The following ZNF518A variants were observed in gnomAD, a reference collection of about 807,000 sequenced individuals.
ZNF518A encodes the protein zinc finger protein 518A.
ZNF518A carries 47 observed loss-of-function variants against 102.7 expected under a neutral mutation model. The observed-to-expected ratio is 0.46, with a 90% confidence interval of 0.36 to 0.58. The LOEUF is 0.58. Among genes scored for constraint, ZNF518A ranks in the 20% least tolerant of loss-of-function variants. The pLI is 0.00. For missense variants in ZNF518A, 1,793 were observed against 1,699.8 expected (o/e 1.05, Z -0.96); for synonymous variants, 652 against 594.6 (o/e 1.10, Z -1.40).
At chr10:96,152,569 CTTGT>C (rs1264107097) in intron 3 of ZNF518A, among the ~76,000 whole-genome samples, 1 of 152,150 alleles carries the variant, frequency 6.6e-6, no homozygotes, top group East Asian at 1.9e-4. Flanking sequence ...ACAGTCATAC[CTTGT>C]TTAACGATGG....
chr10:96,183,367 G>A (rs2083251411), intron 1 of ZNF518A, among the ~76,000 whole-genome samples: 1 of 152,114 alleles, frequency 6.6e-6, no homozygotes, highest in Non-Finnish European at 1.5e-5. Context: ...TTTTGAATGT[G>A]TTTGCCCTTG....
intron 1 of ZNF518A, among the ~76,000 whole-genome samples, chr10:96,191,089 G>A (rs587748255): frequency 2.6e-5 from 4 of 152,246 alleles, no homozygotes; most frequent in Admixed American, 2.0e-4. Context: ...TAAGTCTCAT[G>A]AGATCTGATG....
chr10:96,142,558 T>C (rs1176983139), intron 3 of ZNF518A, among the ~76,000 whole-genome samples: 1 of 150,468 alleles, frequency 6.6e-6, no homozygotes, highest in African/African-American at 2.4e-5. Flanking sequence ...GTCATGAATA[T>C]AGCTAAGCTA....
intron 1 of ZNF518A, among the ~76,000 whole-genome samples, chr10:96,198,811 G>A (rs2083545511): frequency 6.6e-6 from 1 of 152,182 alleles, no homozygotes; most frequent in Non-Finnish European, 1.5e-5. Flanking sequence ...CGATTCTCCT[G>A]CTTCAGCCTC....
intron 3 of ZNF518A, among the ~76,000 whole-genome samples, chr10:96,133,901 A>G (rs1308677888): frequency 6.6e-6 from 1 of 152,186 alleles, no homozygotes; most frequent in African/African-American, 2.4e-5. Flanking sequence ...GTACCACGTT[A>G]TCGTTTATGT....
intron 3 of ZNF518A, among the ~76,000 whole-genome samples, chr10:96,150,708 CTTTTT>C (rs797029835): frequency 2.2e-5 from 1 of 45,740 alleles, no homozygotes; most frequent in South Asian, 6.2e-4. Context: ...TTTAAGTTTT[CTTTTT>C]TTTTTTATTG....
chr10:96,148,332 A>G (rs587678715), intron 3 of ZNF518A, among the ~76,000 whole-genome samples: 2 of 152,060 alleles, frequency 1.3e-5, no homozygotes, highest in South Asian at 2.1e-4. Flanking sequence ...CCCAGCTACT[A>G]GGGAGGCTGA....
intron 1 of ZNF518A, among the ~76,000 whole-genome samples, chr10:96,194,431 C>G (rs2083407013): frequency 1.3e-5 from 2 of 152,128 alleles, no homozygotes; most frequent in Admixed American, 1.3e-4. Flanking sequence ...CACCATGACA[C>G]TGGATTTGGC....
rs1382269529 is a variant in ZNF518A, at chr10:96,130,468, C to T, written c.-737C>T. ...TGGGTGGGAGTAGGAGACGGTGTGC[C>T]TCCGCGCTCCCCGCGGGGCAGCCGA... On this transcript the variant is annotated 5_prime_UTR_variant, in exon 1 of 6. Coordinates refer to ENST00000316045, the MANE Select transcript of ZNF518A (RefSeq NM_001330736.2). Among the ~76,000 whole-genome samples, 4 of 152,254 alleles carry T rather than the reference C, an allele frequency of 2.6e-5. No homozygotes were observed. The highest frequency in any genetic ancestry group is 1.9e-4 in the East Asian group (1 of 5,200).
intron 1 of ZNF518A, among the ~76,000 whole-genome samples, chr10:96,184,036 C>A (rs1181910977): frequency 1.3e-5 from 2 of 152,184 alleles, no homozygotes; most frequent in African/African-American, 4.8e-5. Context: ...GTTAGCTCTT[C>A]TTGTTGAATT....
chr10:96,190,084 G>T (rs1261834964), intron 1 of ZNF518A: 13 of 879,076 alleles, frequency 1.5e-5, no homozygotes, highest in Non-Finnish European at 2.3e-5. Flanking sequence ...TAAACTGACC[G>T]TTCTTAAGGA....
chr10:96,203,193 CT>C (rs1431210766), intron 1 of ZNF518A, among the ~76,000 whole-genome samples: 1 of 152,162 alleles, frequency 6.6e-6, no homozygotes, highest in African/African-American at 2.4e-5. Flanking sequence ...GAATGAATGA[CT>C]TGGTTTGAAA....
At position 96,160,083 on chromosome 10, in the gene ZNF518A, T is replaced by C. The variant is rs587611683; in HGVS notation, c.3761T>C (p.Ile1254Thr). Residue 1254 changes from isoleucine (I) to threonine (T), a missense_variant, in exon 6 of 6, where the codon ATT becomes ACT. Ile to Thr is a moderately conservative substitution (Grantham distance 89). Around this residue, in one of 3 missense-constraint regions of ZNF518A, gnomAD observed 1,741 missense variants for 1,622.6 expected, o/e 1.07. Transcript: ENST00000316045. ...AATAGAAAAAAGACTTCCAAAAAAA[T>C]TTTTTCAAAAACAAAAACTCATGGA... ...NFNRKKTSKK[I>T]FSKTKTHGSK... is the part of the protein sequence containing the mutation. 7 of 1,608,096 alleles carry C rather than the reference T, an allele frequency of 4.4e-6. No individual in the cohort carries two copies. The East Asian group carries it at 1.3e-4, about 31-fold the overall frequency.
chr10:96,184,854 G>T (rs1174631612), intron 1 of ZNF518A, among the ~76,000 whole-genome samples: 1 of 152,166 alleles, frequency 6.6e-6, no homozygotes, highest in Non-Finnish European at 1.5e-5. Context: ...GGCCTGCCTT[G>T]CTAGGTTGGG....
At chr10:96,186,840 CCTT>C (rs1260619455) in intron 1 of ZNF518A, among the ~76,000 whole-genome samples, 1 of 152,158 alleles carries the variant, frequency 6.6e-6, no homozygotes, top group African/African-American at 2.4e-5. Context: ...ATAGCAATAT[CCTT>C]CTCGTCTAAT....
At position 96,149,497 on chromosome 10, in the gene ZNF518A, G is replaced by A. The variant is rs1052049798; in HGVS notation, c.-301-5829G>A. 5.3e-5 allele frequency among the ~76,000 whole-genome samples: 8 copies of A among 152,324 alleles called. No individual in the cohort carries two copies. In the South Asian group the frequency reaches 1.7e-3, roughly 32 times the overall value. On this transcript the variant is annotated intron_variant, in intron 3 of 5. Transcript: ENST00000316045. ...ACAGTAACCAATAGCATGATAGAGTGGGGAAGAGAATCTTAGCATCCAACT... is the reference window on the plus strand; with the variant it reads ...ACAGTAACCAATAGCATGATAGAGTAGGGAAGAGAATCTTAGCATCCAACT...
chr10:96,171,678 A>G lies in ZNF518A; in HGVS notation n.35+15631A>G, dbSNP rs2083174730. Among the ~76,000 whole-genome samples, 4 of 152,288 alleles carry G rather than the reference A, an allele frequency of 2.6e-5. No individual in the cohort carries two copies. The South Asian group carries it at 8.3e-4, about 32-fold the overall frequency. On this transcript the variant is annotated intron_variant and non_coding_transcript_variant, in intron 1 of 2. Coordinates refer to the ZNF518A transcript ENST00000442635. The stretch of plus-strand genomic sequence containing the variant: ...AATTATATGGTATGCAAATGATAGT[A>G]AGCACACATAGACACATGTATAATG...
At chr10:96,140,022 C>T (rs1055983024) in intron 3 of ZNF518A, among the ~76,000 whole-genome samples, 2 of 152,006 alleles carry the variant, frequency 1.3e-5, no homozygotes, top group Non-Finnish European at 2.9e-5. Flanking sequence ...CCATATCTGG[C>T]TAATTTTGTG....
intron 1 of ZNF518A, among the ~76,000 whole-genome samples, chr10:96,179,099 T>A (rs1315812004): frequency 2.0e-5 from 3 of 152,094 alleles, no homozygotes; most frequent in African/African-American, 4.8e-5. Flanking sequence ...ACATTGTAAG[T>A]AAAGAAAACT....
Sources: allele counts gnomAD v4.1 joint callset (sites outside exome capture counted in the v4.1 genomes callset), GRCh38; gene constraint gnomAD v4.1.1; regional missense constraint gnomAD v4.1.1; transcripts MANE v1.5; gene names NCBI Gene and HGNC (gene_info 2026-07-23, HGNC 2026-07-21).